The following RBFOX1 variants were observed in gnomAD, a reference collection of about 807,000 sequenced individuals.
RBFOX1 encodes the protein RNA binding protein fox-1 homolog 1.
Under a neutral mutation model 57.7 loss-of-function variants are expected in RBFOX1, and 8 were observed. The observed-to-expected ratio is 0.14, with a 90% CI of 0.08 to 0.25. RBFOX1 has a LOEUF of 0.25. Among genes scored for constraint, RBFOX1 ranks in the 10% least tolerant of loss-of-function variants. The pLI is 1.00. For synonymous variants in RBFOX1, 326 were observed against 222.4 expected (o/e 1.47, Z -4.15); for missense variants, 611 against 548.5 (o/e 1.11, Z -1.14).
intron 3 of RBFOX1, among the ~76,000 whole-genome samples, chr16:5,608,978 C>A (rs2047682319): frequency 2.0e-5 from 3 of 152,160 alleles, no homozygotes; most frequent in African/African-American, 7.2e-5. Flanking sequence ...ATCCATTTCG[C>A]CAATCCATGC....
chr16:5,687,081 A>G (rs569895783), intron 3 of RBFOX1, among the ~76,000 whole-genome samples: 5 of 152,222 alleles, frequency 3.3e-5, no homozygotes, highest in Non-Finnish European at 5.9e-5. Flanking sequence ...TAAGGAGTTA[A>G]TATGAGCCAA....
intron 4 of RBFOX1, among the ~76,000 whole-genome samples, chr16:7,371,961 A>G (rs2097574530): frequency 4.6e-5 from 7 of 151,502 alleles, no homozygotes; most frequent in South Asian, 2.1e-4. Context: ...TCATTCCCTT[A>G]ATTCCTTTTT....
At chr16:5,597,283 C>T (rs1053201482) in intron 2 of RBFOX1, among the ~76,000 whole-genome samples, 1 of 145,464 alleles carries the variant, frequency 6.9e-6, no homozygotes, top group African/African-American at 2.6e-5. Context: ...CCCTCTTTCT[C>T]TCCGTTGCTC....
intron 4 of RBFOX1, among the ~76,000 whole-genome samples, chr16:5,961,022 G>A (rs766857743): frequency 1.3e-5 from 2 of 152,110 alleles, no homozygotes; most frequent in Non-Finnish European, 2.9e-5. Context: ...TCATTTTCAC[G>A]GCATGAAGGT....
intron 3 of RBFOX1, among the ~76,000 whole-genome samples, chr16:6,816,270 T>C (rs1346404417): frequency 6.6e-6 from 1 of 152,196 alleles, no homozygotes; most frequent in African/African-American, 2.4e-5. Flanking sequence ...GATCACACTA[T>C]TGCACTCGCA....
intron 4 of RBFOX1, among the ~76,000 whole-genome samples, chr16:7,407,689 C>G (rs1226525179): frequency 1.3e-5 from 2 of 152,140 alleles, no homozygotes; most frequent in African/African-American, 4.8e-5. Context: ...TAACATTCAC[C>G]TTAATACAAT....
chr16:7,097,692 C>A (rs1387614152), intron 4 of RBFOX1, among the ~76,000 whole-genome samples: 1 of 152,144 alleles, frequency 6.6e-6, no homozygotes, highest in African/African-American at 2.4e-5. Context: ...TTCAAAGAAA[C>A]CTGCTCCCCA....
At chr16:7,532,045 T>C (rs2080223080) in intron 5 of RBFOX1, among the ~76,000 whole-genome samples, 1 of 152,198 alleles carries the variant, frequency 6.6e-6, no homozygotes, top group African/African-American at 2.4e-5. Flanking sequence ...CAAATTGTAT[T>C]TGACTTCTGC....
chr16:7,699,295 G>T (rs372181683), intron 14 of RBFOX1, among the ~76,000 whole-genome samples: 2 of 151,878 alleles, frequency 1.3e-5, no homozygotes, highest in Non-Finnish European at 2.9e-5. Flanking sequence ...GGGATCTAGC[G>T]ATCCTCCCAC....
intron 2 of RBFOX1, among the ~76,000 whole-genome samples, chr16:6,474,780 C>T (rs985327298): frequency 6.6e-6 from 1 of 152,124 alleles, no homozygotes; most frequent in African/African-American, 2.4e-5. Flanking sequence ...AATTCTGGTT[C>T]CTTAGATCTA....
intron 2 of RBFOX1, among the ~76,000 whole-genome samples, chr16:6,530,802 G>A (rs561448569): frequency 1.3e-5 from 2 of 150,608 alleles, no homozygotes; most frequent in South Asian, 2.1e-4. Flanking sequence ...AAAACAGCAC[G>A]GGAAACACCT....
intron 2 of RBFOX1, among the ~76,000 whole-genome samples, chr16:6,453,765 A>G (rs2094693458): frequency 1.3e-5 from 2 of 152,188 alleles, no homozygotes; most frequent in Admixed American, 1.3e-4. Context: ...GACTGTTTAA[A>G]TTTAAATGTA....
chr16:6,076,690 C>G (rs766667616), intron 1 of RBFOX1, among the ~76,000 whole-genome samples: 12 of 152,124 alleles, frequency 7.9e-5, no homozygotes, highest in Admixed American at 7.9e-4. Flanking sequence ...TCTGTGAGTA[C>G]TGCTTCAAAG....
chr16:5,797,578 C>T (rs1597295983), intron 3 of RBFOX1, among the ~76,000 whole-genome samples: 1 of 152,158 alleles, frequency 6.6e-6, no homozygotes, highest in African/African-American at 2.4e-5. Context: ...GAGCCCAGCC[C>T]TAAGCTGATG....
intron 2 of RBFOX1, among the ~76,000 whole-genome samples, chr16:6,503,308 G>C (rs996226335): frequency 6.6e-6 from 1 of 151,996 alleles, no homozygotes. Context: ...CACTTCTCCA[G>C]ACGAGATGGG....
chr16:6,507,478 C>T (rs911752400), intron 2 of RBFOX1, among the ~76,000 whole-genome samples: 2 of 115,812 alleles, frequency 1.7e-5, no homozygotes, highest in Admixed American at 1.1e-4. Flanking sequence ...GGAAATCAAC[C>T]TGGGCAACAT....
chr16:6,321,192 A>G (rs1051673801), intron 2 of RBFOX1, among the ~76,000 whole-genome samples: 4 of 152,216 alleles, frequency 2.6e-5, no homozygotes, highest in Admixed American at 1.3e-4. Context: ...TATAGTAATC[A>G]GGTCAGGGTA....
At chr16:5,883,912 ATTATC>A (rs2057830610) in intron 4 of RBFOX1, among the ~76,000 whole-genome samples, 1 of 152,270 alleles carries the variant, frequency 6.6e-6, no homozygotes, top group East Asian at 1.9e-4. Context: ...GGGACAACAC[ATTATC>A]TTGTTGATTG....
At chr16:7,345,461 G>C (rs1277751164) in intron 4 of RBFOX1, among the ~76,000 whole-genome samples, 1 of 152,194 alleles carries the variant, frequency 6.6e-6, no homozygotes. Flanking sequence ...ATTCTAATGA[G>C]CTGGGTTTTG....
Sources: allele counts gnomAD v4.1 joint callset (sites outside exome capture counted in the v4.1 genomes callset), GRCh38; gene constraint gnomAD v4.1.1; transcripts MANE v1.5; gene names NCBI Gene and HGNC (gene_info 2026-07-23, HGNC 2026-07-21).